KAZN: variants seen among roughly 807,000 people sequenced by gnomAD.
KAZN encodes the protein kazrin, periplakin interacting protein.
In KAZN, 40 loss-of-function variants were observed where a neutral mutation model predicts 87.4. The ratio of observed to expected loss-of-function variants is 0.46; its 90% CI spans 0.36 to 0.60. The LOEUF is 0.60. Ranked by LOEUF, KAZN falls within the 20% of genes least tolerant of loss-of-function variation. KAZN has a pLI of 0.00. For synonymous variants in KAZN, 466 were observed against 458.3 expected (o/e 1.02, Z -0.22); for missense variants, 898 against 1,073.9 (o/e 0.84, Z 2.29).
intron 2 of KAZN, among the ~76,000 whole-genome samples, chr1:14,231,615 A>G (rs511234): frequency 0.47 from 71,450 of 152,096 alleles, 18,087 homozygotes; most frequent in Non-Finnish European, 0.57. Flanking sequence ...CGATGCATCT[A>G]TGAGATGAAG....
chr1:14,328,983 G>A (rs1317307100), intron 2 of KAZN, among the ~76,000 whole-genome samples: 1 of 152,012 alleles, frequency 6.6e-6, no homozygotes, highest in Admixed American at 6.6e-5. Context: ...GTTCTTTTAT[G>A]GATACAAGAA....
intron 1 of KAZN, among the ~76,000 whole-genome samples, chr1:14,056,002 C>T (rs34017193): frequency 0.17 from 25,733 of 152,130 alleles, 2,527 homozygotes; most frequent in Non-Finnish European, 0.23. Flanking sequence ...TTATCACCAC[C>T]TTAATCTGAA....
At chr1:14,048,795 A>G (rs1031023047) in intron 1 of KAZN, among the ~76,000 whole-genome samples, 9 of 152,162 alleles carry the variant, frequency 5.9e-5, no homozygotes, top group South Asian at 2.1e-4. Context: ...CAGTAATGGG[A>G]TTGCTGGGTC....
chr1:14,339,765 C>T (rs1657550646), intron 2 of KAZN, among the ~76,000 whole-genome samples: 1 of 152,158 alleles, frequency 6.6e-6, no homozygotes, highest in African/African-American at 2.4e-5. Context: ...TGCAGCAATA[C>T]CTAGAATAAC....
intron 2 of KAZN, among the ~76,000 whole-genome samples, chr1:14,350,034 G>A (rs1443523860): frequency 1.3e-5 from 2 of 151,302 alleles, no homozygotes; most frequent in Non-Finnish European, 2.9e-5. Flanking sequence ...TACTCGGGAG[G>A]CGTGAACCTG....
At chr1:14,999,472 C>T (rs1573021441) in intron 2 of KAZN, among the ~76,000 whole-genome samples, 1 of 151,788 alleles carries the variant, frequency 6.6e-6, no homozygotes, top group Non-Finnish European at 1.5e-5. Flanking sequence ...CTACCCAGTG[C>T]GTTCAGCCCC....
intron 2 of KAZN, among the ~76,000 whole-genome samples, chr1:14,207,957 C>T (rs1247573249): frequency 6.6e-6 from 1 of 152,176 alleles, no homozygotes; most frequent in Non-Finnish European, 1.5e-5. Context: ...TGCAACAAGA[C>T]GTTCTATTCT....
At chr1:14,520,490 T>G (rs1671528842) in intron 2 of KAZN, among the ~76,000 whole-genome samples, 1 of 152,130 alleles carries the variant, frequency 6.6e-6, no homozygotes, top group African/African-American at 2.4e-5. Flanking sequence ...AGATAGCAGA[T>G]GAAAACACAC....
intron 1 of KAZN, among the ~76,000 whole-genome samples, chr1:14,125,030 C>T (rs528775569): frequency 6.6e-6 from 1 of 152,236 alleles, no homozygotes; most frequent in African/African-American, 2.4e-5. Flanking sequence ...GGTGAGGCCT[C>T]AGTAGCAAGA....
chr1:14,386,039 G>C (rs1661852622), intron 2 of KAZN, among the ~76,000 whole-genome samples: 1 of 151,866 alleles, frequency 6.6e-6, no homozygotes, highest in Admixed American at 6.6e-5. Flanking sequence ...AGCTCTTCTT[G>C]TTGAATTGAT....
At chr1:14,776,523 T>C (rs1645179290) in intron 1 of KAZN, among the ~76,000 whole-genome samples, 2 of 152,196 alleles carry the variant, frequency 1.3e-5, no homozygotes, top group South Asian at 4.1e-4. Context: ...CTTCTTATAC[T>C]GTTGAACTTT....
intron 4 of KAZN, among the ~76,000 whole-genome samples, chr1:15,047,191 C>T (rs186146266): frequency 6.6e-6 from 1 of 152,202 alleles, no homozygotes; most frequent in South Asian, 2.1e-4. Flanking sequence ...AGGGGCTTCA[C>T]GAGGAGCTGT....
At chr1:14,643,478 A>G (rs1680560374) in intron 1 of KAZN, among the ~76,000 whole-genome samples, 1 of 152,186 alleles carries the variant, frequency 6.6e-6, no homozygotes, top group Non-Finnish European at 1.5e-5. Flanking sequence ...AGCTCTATCT[A>G]TGTTCCTGCA....
At chr1:14,674,065 G>T (rs766971327) in intron 1 of KAZN, among the ~76,000 whole-genome samples, 1 of 152,204 alleles carries the variant, frequency 6.6e-6, no homozygotes, top group African/African-American at 2.4e-5. Context: ...TATGCATGGG[G>T]AAATGGAGAC....
In KAZN at chr1:13,975,736, C is replaced by T. The variant is rs115200018; in HGVS notation, c.91+81980C>T. ...CTCCCCTACCAGATCATGAACTAGT[C>T]GGGAACACGAGTCACGTCATGATGT... On this transcript the variant is annotated intron_variant, in intron 1 of 16. Coordinates refer to the KAZN transcript ENST00000636203. Among the ~76,000 whole-genome samples, 1,362 of 152,220 alleles carry T rather than the reference C, an allele frequency of 8.9e-3. 19 individuals carry two copies. Among genetic ancestry groups the T allele is most frequent in the African/African-American group, 0.031 (1,298 of 41,510 alleles).
At chr1:14,510,009 T>C (rs1670815464) in intron 2 of KAZN, among the ~76,000 whole-genome samples, 1 of 152,090 alleles carries the variant, frequency 6.6e-6, no homozygotes, top group South Asian at 2.1e-4. Flanking sequence ...TGGGGCAAGT[T>C]ACAGGGACAC....
chr1:14,110,213 T>C (rs1217340361), intron 1 of KAZN, among the ~76,000 whole-genome samples: 2 of 152,208 alleles, frequency 1.3e-5, no homozygotes, highest in Non-Finnish European at 2.9e-5. Context: ...GGATGTTCCG[T>C]TTCCTTCACG....
chr1:14,615,452 AC>A (rs1308040280), intron 1 of KAZN, among the ~76,000 whole-genome samples: 1 of 152,094 alleles, frequency 6.6e-6, no homozygotes, highest in Non-Finnish European at 1.5e-5. Flanking sequence ...ACATGGCAAA[AC>A]CCTGTCTCTA....
chr1:14,161,697 G>A (rs1421898221), intron 1 of KAZN, among the ~76,000 whole-genome samples: 1 of 152,094 alleles, frequency 6.6e-6, no homozygotes, highest in Non-Finnish European at 1.5e-5. Flanking sequence ...GAGAATCATT[G>A]GGTTCTATTT....
Sources: allele counts gnomAD v4.1 joint callset (sites outside exome capture counted in the v4.1 genomes callset), GRCh38; gene constraint gnomAD v4.1.1; transcripts MANE v1.5; gene names NCBI Gene and HGNC (gene_info 2026-07-23, HGNC 2026-07-21).